Variants in PTPRD observed in about 807,000 individuals in gnomAD.
PTPRD encodes the protein protein tyrosine phosphatase receptor type D, also known as receptor-type tyrosine-protein phosphatase delta.
A neutral mutation model predicts 214.5 loss-of-function variants in PTPRD; 34 were observed. The ratio of observed to expected loss-of-function variants is 0.16; its 90% CI spans 0.12 to 0.21. PTPRD has a LOEUF of 0.21. Ranked by LOEUF, PTPRD falls within the 10% of genes least tolerant of loss-of-function variation. PTPRD has a pLI of 1.00. For synonymous variants in PTPRD, 1,128 were observed against 845.7 expected (o/e 1.33, Z -5.79); for missense variants, 2,545 against 2,398.7 (o/e 1.06, Z -1.27).
In PTPRD at chr9:9,709,095, A is replaced by G. The variant is rs530649231; in HGVS notation, c.-287+25438T>C. Among the ~76,000 whole-genome samples, 4 of 152,128 alleles carry G rather than the reference A, an allele frequency of 2.6e-5. No individual in the cohort carries two copies. The South Asian group carries it at 8.3e-4, about 31-fold the overall frequency. On this transcript the variant is annotated intron_variant, in intron 7 of 45. Transcript: ENST00000381196. ...TATAAAACATTTTCTTACTCTGAAT[A>G]AATTGGCATATAAGTTATAAGGTAA...
At chr9:9,361,949 A>G (rs2139094819) in intron 9 of PTPRD, among the ~76,000 whole-genome samples, 1 of 151,216 alleles carries the variant, frequency 6.6e-6, no homozygotes, top group South Asian at 2.1e-4. Context: ...TATATGTTGG[A>G]TATTTACCAT....
At chr9:9,125,926 G>T (rs2099831407) in intron 10 of PTPRD, among the ~76,000 whole-genome samples, 1 of 152,170 alleles carries the variant, frequency 6.6e-6, no homozygotes, top group African/African-American at 2.4e-5. Flanking sequence ...AGCCAGCCAA[G>T]TGAACAGCAA....
At chr9:9,304,864 G>A (rs1956624296) in intron 9 of PTPRD, among the ~76,000 whole-genome samples, 1 of 150,062 alleles carries the variant, frequency 6.7e-6, no homozygotes, top group Non-Finnish European at 1.5e-5. Flanking sequence ...TGCATCCAAG[G>A]CCCTTCTCAA....
At position 10,374,614 on chromosome 9, in the gene PTPRD, C is replaced by T. The variant is rs570695824; in HGVS notation, c.-599-33597G>A. Among the ~76,000 whole-genome samples the T allele has an allele frequency of 4.6e-5, 7 of 152,086 alleles. No homozygotes were observed. In the East Asian group the frequency reaches 5.8e-4, roughly 13 times the overall value. ...GAATTGGAGAACCTAATCCTGCCTACGTTTAGTGTCCTCTCCCTTCATTTT... is the reference window on the plus strand; with the variant it reads ...GAATTGGAGAACCTAATCCTGCCTATGTTTAGTGTCCTCTCCCTTCATTTT... On this transcript the variant is annotated intron_variant, in intron 2 of 45. Transcript: ENST00000381196.
intron 5 of PTPRD, among the ~76,000 whole-genome samples, chr9:9,879,519 C>T (rs1401970811): frequency 6.6e-6 from 1 of 152,176 alleles, no homozygotes; most frequent in Non-Finnish European, 1.5e-5. Context: ...AGGGTAAATT[C>T]TGAGGATTGA....
intron 8 of PTPRD, among the ~76,000 whole-genome samples, chr9:9,413,344 G>A (rs1162173037): frequency 1.3e-5 from 2 of 150,820 alleles, no homozygotes; most frequent in Admixed American, 1.3e-4. Flanking sequence ...TCGATCTCCT[G>A]ACCTCATGAT....
intron 10 of PTPRD, among the ~76,000 whole-genome samples, chr9:9,081,852 T>C (rs2099759621): frequency 6.6e-6 from 1 of 151,786 alleles, no homozygotes; most frequent in African/African-American, 2.4e-5. Flanking sequence ...TCCATTTGCT[T>C]GGTAAATATT....
At chr9:9,969,925 G>T (rs1000937212) in intron 4 of PTPRD, among the ~76,000 whole-genome samples, 13 of 152,082 alleles carry the variant, frequency 8.5e-5, no homozygotes, top group African/African-American at 3.1e-4. Flanking sequence ...AGCCTCCCCA[G>T]CTTGCTAACT....
At chr9:8,496,155 C>A (rs1173869722) in intron 26 of PTPRD, among the ~76,000 whole-genome samples, 1 of 148,592 alleles carries the variant, frequency 6.7e-6, no homozygotes, top group African/African-American at 2.5e-5. Flanking sequence ...TATGTATGTT[C>A]CACCTCCAAC....
At chr9:9,973,302 A>C (rs111374477) in intron 4 of PTPRD, among the ~76,000 whole-genome samples, 7 of 105,190 alleles carry the variant, frequency 6.7e-5, no homozygotes, top group African/African-American at 3.4e-4. Context: ...CTTGTCTTTC[A>C]AAAAAAAAAA....
chr9:10,377,024 A>T (rs1269678216), intron 2 of PTPRD, among the ~76,000 whole-genome samples: 2 of 151,922 alleles, frequency 1.3e-5, no homozygotes, highest in East Asian at 3.9e-4. Context: ...ATTTGTACCC[A>T]TTAACCATCC....
chr9:9,334,880 A>G (rs182020469), intron 9 of PTPRD, among the ~76,000 whole-genome samples: 10 of 152,090 alleles, frequency 6.6e-5, no homozygotes, highest in Non-Finnish European at 1.3e-4. Context: ...TCAACATTAG[A>G]TGCTTACCAA....
intron 8 of PTPRD, among the ~76,000 whole-genome samples, chr9:9,472,530 A>G (rs1416110583): frequency 6.6e-6 from 1 of 152,092 alleles, no homozygotes; most frequent in African/African-American, 2.4e-5. Context: ...GGCACTTGCA[A>G]TCTCACATAC....
intron 11 of PTPRD, among the ~76,000 whole-genome samples, chr9:9,016,260 C>T (rs747288169): frequency 4.6e-5 from 7 of 152,038 alleles, no homozygotes; most frequent in Non-Finnish European, 7.4e-5. Context: ...GACAATTTTC[C>T]CCCAAATAGT....
intron 6 of PTPRD, among the ~76,000 whole-genome samples, chr9:9,743,077 GA>G (rs1175963087): frequency 6.6e-6 from 1 of 152,006 alleles, no homozygotes; most frequent in Admixed American, 6.6e-5. Context: ...TGCTTTTTGG[GA>G]TACTCTGTTC....
intron 8 of PTPRD, among the ~76,000 whole-genome samples, chr9:9,494,730 A>G (rs1020354488): frequency 7.9e-5 from 12 of 152,226 alleles, no homozygotes; most frequent in Non-Finnish European, 1.5e-4. Flanking sequence ...TAAAATGTCG[A>G]TATGACCCAA....
intron 11 of PTPRD, among the ~76,000 whole-genome samples, chr9:8,972,595 G>A (rs189192820): frequency 1.4e-3 from 215 of 151,912 alleles, no homozygotes; most frequent in Non-Finnish European, 2.7e-3. Context: ...ATTTATTGAG[G>A]ACTGTTAGTC....
At chr9:10,374,395 G>T (rs944416079) in intron 2 of PTPRD, among the ~76,000 whole-genome samples, 1 of 152,024 alleles carries the variant, frequency 6.6e-6, no homozygotes, top group Non-Finnish European at 1.5e-5. Context: ...AACATAACTA[G>T]TCCAGTTGGC....
chr9:9,418,809 A>G (rs1490495101), intron 8 of PTPRD, among the ~76,000 whole-genome samples: 3 of 151,952 alleles, frequency 2.0e-5, no homozygotes, highest in African/African-American at 4.8e-5. Flanking sequence ...ATATCACTAT[A>G]TTTGAACCAG....
Sources: gnomAD v4.1 joint callset for allele counts (sites outside exome capture counted in the v4.1 genomes callset) on GRCh38, gnomAD v4.1.1 for gene constraint, MANE v1.5 for transcripts, NCBI Gene and HGNC (gene_info 2026-07-23, HGNC 2026-07-21) for gene names.